The following AHNAK2 variants were observed in gnomAD, a reference collection of about 807,000 sequenced individuals.
The protein encoded by AHNAK2 is AHNAK nucleoprotein 2, also known as protein AHNAK2.
In AHNAK2, 18 loss-of-function variants were observed where a neutral mutation model predicts 30.7. The ratio of observed to expected loss-of-function variants is 0.59; its 90% CI spans 0.41 to 0.87. The LOEUF is 0.87. AHNAK2 is among the 40% of genes least tolerant of loss of function. AHNAK2 has a pLI of 0.00. For missense variants in AHNAK2, 8,604 were observed against 7,373.0 expected, an observed-to-expected ratio of 1.17 and a Z score of -6.11; for synonymous variants, 3,590 against 3,073.8, an observed-to-expected ratio of 1.17 and a Z score of -5.56.
rs748510078 is a variant in AHNAK2 at position 104,944,851 on chromosome 14, C to T, written c.10600G>A (p.Ala3534Thr). 11 of 1,612,844 alleles carry T rather than the reference C, an allele frequency of 6.8e-6. No individual in the cohort carries two copies. In the East Asian group the frequency reaches 2.5e-4, roughly 36 times the overall value. The stretch of plus-strand genomic sequence containing the variant: ...AGGAGTTCCACATCCACTTGGACAG[C>T]CTGGACCTCCAGGTCAGCGGAAGGG... ...QPPSADLEVQ[A>T]VQVDVELLEG... is the part of the protein sequence containing the mutation. The change falls in exon 7 of 7, where the codon GCT (alanine) becomes ACT (threonine). Residue 3534 changes from alanine to threonine, a missense_variant. Ala to Thr is a moderately conservative substitution (Grantham distance 58). Coordinates refer to ENST00000333244, the MANE Select transcript of AHNAK2 (RefSeq NM_138420.4).
Position 104,940,425 on chromosome 14 carries a change from C to A in AHNAK2, c.15026G>T (p.Arg5009Met), listed in dbSNP as rs779863555. The change falls in exon 7 of 7, where the codon AGG (arginine) becomes ATG (methionine). Residue 5009 changes from arginine to methionine, a missense_variant. By Grantham distance (91) the Arg-to-Met change is moderately conservative (BLOSUM62 -1). Coordinates refer to ENST00000333244, the MANE Select transcript of AHNAK2 (RefSeq NM_138420.4). This position sits in a 1 kb window ranked among gnomAD's most constrained non-coding sequence, Gnocchi z 4.4. ...TGTGCTCCTCCCCTTCTCTCCATCC[C>A]TCTCAGGAGGCAGATCCATGTGGAT... ...SAIHMDLPPE[R>M]DGEKGRSTKP... 2 of 1,613,950 alleles carry A rather than the reference C, an allele frequency of 1.2e-6. No individual in the cohort carries two copies. Among genetic ancestry groups the A allele is most frequent in the South Asian group, 2.2e-5 (2 of 91,086 alleles).
At position 104,950,283 on chromosome 14, in the gene AHNAK2, T is replaced by G. The variant is rs759692376; in HGVS notation, c.5168A>C (p.Asn1723Thr). 2 of 1,584,820 alleles carry G rather than the reference T, an allele frequency of 1.3e-6. No homozygotes were observed. The highest frequency in any genetic ancestry group is 3.5e-5 in the Admixed American group (2 of 57,228). ...ADLEVQAGQV[N>T]VKLPEGPLPE... ...AAGGGGGCCCTCCGGGAGTTTCACG[T>G]TCACTTGGCCAGCCTGGACCTCCAG... The change falls in exon 7 of 7, where the codon AAC (asparagine) becomes ACC (threonine). Residue 1723 changes from asparagine to threonine, a missense_variant. By Grantham distance (65) the Asn-to-Thr change is moderately conservative (BLOSUM62 0). Transcript: ENST00000333244.
intron 1 of AHNAK2, among the ~76,000 whole-genome samples, chr14:104,971,331 TCTC>T (rs1179338363): frequency 6.6e-6 from 1 of 152,012 alleles, no homozygotes; most frequent in Non-Finnish European, 1.5e-5. Flanking sequence ...TCCAGGCTGA[TCTC>T]ATACGCATGG....
chr14:104,952,110 T>G lies in AHNAK2; in HGVS notation c.3341A>C (p.Lys1114Thr). 6.2e-7 allele frequency: 1 copy of G among 1,612,656 alleles called. No homozygotes were observed. Among genetic ancestry groups the G allele is most frequent in the Non-Finnish European group, 8.5e-7 (1 of 1,179,690 alleles). ...CACATCAGGGGCTGTGACTTCCGCC[T>G]TGGGGCTTTTCAGGTCCAGCTTGGG... ...KGPKLDLKSP[K>T]AEVTAPDVEV... The change falls in exon 7 of 7, where the codon AAG becomes ACG. Residue 1114 changes from lysine to threonine, a missense_variant. Transcript: ENST00000333244.
intron 1 of AHNAK2, among the ~76,000 whole-genome samples, chr14:104,977,223 C>T (rs898895718): frequency 9.2e-5 from 14 of 152,190 alleles, no homozygotes; most frequent in African/African-American, 2.2e-4. Context: ...GCACCAGTGC[C>T]GGCCAGCCCA....
chr14:104,955,234 T>C, intron 5 of AHNAK2, 93 bp from the exon 6 acceptor site: 1 of 1,427,940 alleles, frequency 7.0e-7, no homozygotes, highest in Non-Finnish European at 9.5e-7. Flanking sequence ...CCCGGGGACA[T>C]GAATAGGGGG....
chr14:104,967,038 C>A (rs564801639), intron 1 of AHNAK2, among the ~76,000 whole-genome samples: 2 of 152,300 alleles, frequency 1.3e-5, no homozygotes, highest in African/African-American at 4.8e-5. Flanking sequence ...GTCCCTGGGT[C>A]ACTTGGCCCA....
chr14:104,974,521 A>G (rs1323165951), intron 1 of AHNAK2, among the ~76,000 whole-genome samples: 7 of 152,150 alleles, frequency 4.6e-5, no homozygotes, highest in Non-Finnish European at 5.9e-5. Context: ...TTTCATGACC[A>G]GTCCCGGTCT....
At chr14:104,967,168 C>G (rs906673490) in intron 1 of AHNAK2, among the ~76,000 whole-genome samples, 1 of 152,240 alleles carries the variant, frequency 6.6e-6, no homozygotes, top group African/African-American at 2.4e-5. Context: ...TGTTCTGAGG[C>G]TGCCCAGAAA....
Position 104,953,285 on chromosome 14 carries a change from G to T in AHNAK2, c.2166C>A (p.Asp722Glu). ...CAGCGGAAGGGGTCTGGACGCTGAG[G>T]TCAGTGGTCTTGAGGTCCCCCTGCA... is the stretch of plus-strand genomic sequence containing the variant. The part of the protein sequence containing the change: ...LSMQGDLKTT[D>E]LSVQTPSADL... Residue 722 changes from aspartate to glutamate, a missense_variant, in exon 7 of 7, where the codon GAC (aspartate) becomes GAA (glutamate). Coordinates refer to ENST00000333244, the MANE Select transcript of AHNAK2 (RefSeq NM_138420.4). 6.2e-7 allele frequency: 1 copy of T among 1,612,856 alleles called. No individual in the cohort carries two copies. Among genetic ancestry groups the T allele is most frequent in the Non-Finnish European group, 8.5e-7 (1 of 1,179,644 alleles).
chr14:104,948,760 C>T lies in AHNAK2; in HGVS notation c.6691G>A (p.Gly2231Ser), dbSNP rs769940659. The change falls in exon 7 of 7, where the codon GGC becomes AGC. Residue 2231 changes from glycine to serine, a missense_variant. Coordinates refer to ENST00000333244, the MANE Select transcript of AHNAK2 (RefSeq NM_138420.4). ...AGCTTGGGCAGGTGCCCTTTGAGGC[C>T]GACTTCCTCGGGCACAGGGCCCTCC... ...LLEGPVPEEVGLKGHLPKLQM... is the reference protein window; with the variant it reads ...LLEGPVPEEVSLKGHLPKLQM... 2.2e-5 allele frequency: 35 copies of T among 1,611,858 alleles called. 1 individual carries two copies. The highest frequency in any genetic ancestry group is 8.4e-5 in the Admixed American group (5 of 59,850).
rs1180034495 is a variant in AHNAK2, at chr14:104,961,284, G to A, written c.56-3612C>T. 4.6e-5 allele frequency among the ~76,000 whole-genome samples: 7 copies of A among 152,286 alleles called. No individual in the cohort carries two copies. In the East Asian group the frequency reaches 9.7e-4, roughly 21 times the overall value. On this transcript the variant is annotated intron_variant, in intron 1 of 6. Transcript: ENST00000333244. ...AATCCCAGCACTTTGGGAGGCCGAG[G>A]CGGGCGGATCACGAGGTCAGGAGAT...
chr14:104,964,723 C>A (rs1452175294), intron 1 of AHNAK2, among the ~76,000 whole-genome samples: 1 of 152,278 alleles, frequency 6.6e-6, no homozygotes, highest in African/African-American at 2.4e-5. Flanking sequence ...GAGCCCGTCA[C>A]ATCCAGCTCA....
At chr14:104,971,699 C>A (rs1023625540) in intron 1 of AHNAK2, among the ~76,000 whole-genome samples, 12 of 152,384 alleles carry the variant, frequency 7.9e-5, no homozygotes, top group Admixed American at 7.2e-4. Context: ...CCCTGCTGCA[C>A]CCTGGGCCCT....
Position 104,941,620 on chromosome 14 carries a change from C to A in AHNAK2, c.13831G>T (p.Glu4611Ter). ...TCGTGGGCCAGGGACAGGTCCCCCT[C>A]AAGCCGCGCACCATCCAGCATGGAT... ...PGSMLDGARL[E>*]GDLSLAHEDV... is the part of the protein sequence containing the mutation. Residue 4611 changes from glutamate to a stop codon, truncating the protein, a stop_gained, in exon 7 of 7, where the codon GAG becomes TAG. Transcript: ENST00000333244. LOFTEE classifies it low-confidence loss of function (END_TRUNC). 1 of 1,613,552 alleles carries A rather than the reference C, an allele frequency of 6.2e-7. No individual in the cohort carries two copies. Among genetic ancestry groups the A allele is most frequent in the South Asian group, 1.1e-5 (1 of 91,080 alleles).
Position 104,947,350 on chromosome 14 carries a change from G to C in AHNAK2, c.8101C>G (p.Pro2701Ala). Residue 2701 changes from proline (P) to alanine (A), a missense_variant, in exon 7 of 7, where the codon CCC becomes GCC. Transcript: ENST00000333244. ...GCCTGGACCTCCAGTTGGGCAGAGG[G>C]GGGCTGAATGCTGATGTCAGTGGTC... ...LKTTDISIQP[P>A]SAQLEVQAGQ... The C allele has an allele frequency of 6.2e-7, 1 of 1,612,602 alleles. No homozygotes were observed. Among genetic ancestry groups the C allele is most frequent in the Non-Finnish European group, 8.5e-7 (1 of 1,179,586 alleles).
In AHNAK2 at chr14:104,940,163, A is replaced by C; in HGVS notation, c.15288T>G (p.Ser5096Arg). Residue 5096 changes from serine to arginine, a missense_variant, in exon 7 of 7, where the codon AGT becomes AGG. Coordinates refer to ENST00000333244, the MANE Select transcript of AHNAK2 (RefSeq NM_138420.4). This position sits in a 1 kb window ranked among gnomAD's most constrained non-coding sequence, Gnocchi z 4.4. ...TGAGATCAGGTTTGGCAAAGCCCAA[A>C]CTGGGAATGTGGACCTGTGGCCGGT... is the stretch of plus-strand genomic sequence containing the variant. Reference protein sequence around the residue: ...NLHRPQVHIPSLGFAKPDLRS... With the variant: ...NLHRPQVHIPRLGFAKPDLRS... 3 of 1,613,488 alleles carry C rather than the reference A, an allele frequency of 1.9e-6. No individual in the cohort carries two copies. The highest frequency in any genetic ancestry group is 2.5e-6 in the Non-Finnish European group (3 of 1,179,872).
chr14:104,949,477 T>C lies in AHNAK2; in HGVS notation c.5974A>G (p.Lys1992Glu), dbSNP rs1898526828. Residue 1992 changes from lysine (K) to glutamate (E), a missense_variant, in exon 7 of 7, where the codon AAA becomes GAA. Physicochemically the swap from Lys to Glu is moderately conservative, Grantham distance 56. Coordinates refer to ENST00000333244, the MANE Select transcript of AHNAK2 (RefSeq NM_138420.4). ...ACCCCGAACGACGGCATCTTGAATT[T>C]GGGCATTTTGAACTTGCTGTCTTTG... ...TAKDSKFKMP[K>E]FKMPSFGVSA... The C allele has an allele frequency of 2.5e-6, 4 of 1,587,886 alleles. No homozygotes were observed. In the East Asian group the frequency reaches 6.7e-5, roughly 27 times the overall value.
At position 104,957,803 on chromosome 14, in the gene AHNAK2, C is replaced by A. The variant is rs886566583; in HGVS notation, c.56-131G>T. ...CTTTCCTGGACACTGGATCGGAGAG[C>A]AAACTCAGGGGCTGGGGGAAGATCT... is the stretch of plus-strand genomic sequence containing the variant. On this transcript the variant is annotated intron_variant, in intron 1 of 6. Transcript: ENST00000333244. 9 of 910,620 alleles carry A rather than the reference C, an allele frequency of 9.9e-6. No individual in the cohort carries two copies. The African/African-American group carries it at 1.5e-4, about 15-fold the overall frequency. 56.4% of individuals were successfully genotyped at this position (910,620 alleles called of 1,614,324 possible). A position where few individuals can be genotyped will look rare whatever the true frequency, so the allele number is the denominator to read the frequency against.
Sources: allele counts gnomAD v4.1 joint callset (sites outside exome capture counted in the v4.1 genomes callset), GRCh38; gene constraint gnomAD v4.1.1; non-coding constraint Gnocchi (gnomAD v3.1); transcripts MANE v1.5; gene names NCBI Gene and HGNC (gene_info 2026-07-23, HGNC 2026-07-21).